The following SPOCK1 variants were observed in gnomAD, a reference collection of about 807,000 sequenced individuals.
SPOCK1 encodes the protein SPARC (osteonectin), cwcv and kazal like domains proteoglycan 1.
In SPOCK1, 23 loss-of-function variants were observed where a neutral mutation model predicts 55.3. The ratio of observed to expected loss-of-function variants is 0.42; its 90% CI spans 0.30 to 0.59. The LOEUF (loss-of-function observed/expected upper bound fraction) is 0.59. Ranked by LOEUF, SPOCK1 falls within the 20% of genes least tolerant of loss-of-function variation. SPOCK1 has a pLI of 0.22. For synonymous variants in SPOCK1, 226 were observed against 221.0 expected (o/e 1.02, Z -0.20); for missense variants, 499 against 552.5 (o/e 0.90, Z 0.97).
chr5:137,129,762 C>T (rs1222380096), intron 4 of SPOCK1, among the ~76,000 whole-genome samples: 4 of 152,148 alleles, frequency 2.6e-5, no homozygotes, highest in African/African-American at 9.7e-5. Flanking sequence ...GGGAAAGTCA[C>T]AAATCTTGTT....
intron 2 of SPOCK1, among the ~76,000 whole-genome samples, chr5:137,336,329 C>T (rs1252626556): frequency 6.6e-6 from 1 of 152,208 alleles, no homozygotes; most frequent in Non-Finnish European, 1.5e-5. Context: ...GGTTTGCATT[C>T]CAGAACCCAC....
chr5:137,261,197 G>C (rs1756736448), intron 3 of SPOCK1, among the ~76,000 whole-genome samples: 2 of 152,138 alleles, frequency 1.3e-5, no homozygotes, highest in South Asian at 4.1e-4. Context: ...ACATTATGAA[G>C]AAAGCTATGG....
intron 2 of SPOCK1, among the ~76,000 whole-genome samples, chr5:137,325,630 G>A (rs1044060975): frequency 1.5e-4 from 23 of 152,198 alleles, no homozygotes; most frequent in Non-Finnish European, 4.4e-5. Flanking sequence ...ACTGCTCTCA[G>A]TGCTGGGTAC....
intron 3 of SPOCK1, among the ~76,000 whole-genome samples, chr5:137,266,012 T>C (rs1247616178): frequency 2.0e-5 from 3 of 152,178 alleles, no homozygotes; most frequent in Non-Finnish European, 4.4e-5. Flanking sequence ...TCAAAGCCTA[T>C]GATAAATGTA....
At chr5:137,449,886 C>CAAAAAAA (rs562723108) in intron 2 of SPOCK1, among the ~76,000 whole-genome samples, 1 of 52,906 alleles carries the variant, frequency 1.9e-5, no homozygotes, top group Non-Finnish European at 3.2e-5. Flanking sequence ...GATGCTGTCT[C>CAAAAAAA]AAAAAAAAAA....
At chr5:137,285,126 C>A (rs1400254036) in intron 2 of SPOCK1, among the ~76,000 whole-genome samples, 1 of 152,180 alleles carries the variant, frequency 6.6e-6, no homozygotes, top group Non-Finnish European at 1.5e-5. Context: ...AACAGCCAAG[C>A]GGGTTGCTCG....
rs181920061 is a variant in SPOCK1 at position 136,978,576 on chromosome 5, G to T, written c.*78C>A. On this transcript the variant is annotated 3_prime_UTR_variant, in exon 11 of 11. Transcript: ENST00000394945. ...AATGGAGAAGAGACCTTGGTGCCTT[G>T]GAGTCTTAGATACAAATGCAGGAAT... 6.8e-7 allele frequency: 1 copy of T among 1,475,330 alleles called. No individual in the cohort carries two copies. The highest frequency in any genetic ancestry group is 9.1e-7 in the Non-Finnish European group (1 of 1,094,112). 91.4% of individuals were successfully genotyped at this position (1,475,330 alleles called of 1,614,324 possible).
intron 4 of SPOCK1, among the ~76,000 whole-genome samples, chr5:137,113,354 G>A (rs739927): frequency 0.27 from 40,341 of 152,026 alleles, 5,600 homozygotes; most frequent in Non-Finnish European, 0.32. Flanking sequence ...CAAGCAAACC[G>A]CTTGGAGCGA....
chr5:137,203,597 A>T (rs532068313), intron 3 of SPOCK1, among the ~76,000 whole-genome samples: 15 of 152,262 alleles, frequency 9.9e-5, no homozygotes, highest in Admixed American at 1.3e-4. Context: ...TGACATTACC[A>T]TGTTTACCTG....
rs554813987 is a variant in SPOCK1 at position 137,321,735 on chromosome 5, AG to A, written c.187-54681del. Among the ~76,000 whole-genome samples, 17 of 152,210 alleles carry A rather than the reference AG, an allele frequency of 1.1e-4. 1 individual carries two copies. In the South Asian group the frequency reaches 3.5e-3, roughly 32 times the overall value. On this transcript the variant is annotated intron_variant, in intron 2 of 10. Coordinates refer to ENST00000394945, the MANE Select transcript of SPOCK1 (RefSeq NM_004598.4). ...CTAAAAAAATACAACAAAATTAGCC[AG>A]GCATGGTAGCAGGTGACTGTAATCC... is the stretch of plus-strand genomic sequence containing the variant.
chr5:137,476,796 G>A (rs1009926338), intron 2 of SPOCK1, among the ~76,000 whole-genome samples: 14 of 152,246 alleles, frequency 9.2e-5, no homozygotes, highest in Non-Finnish European at 1.3e-4. Flanking sequence ...ATGGAGGCAG[G>A]TGTCTGTAAT....
At chr5:136,984,687 A>G (rs1750804678) in intron 9 of SPOCK1, among the ~76,000 whole-genome samples, 1 of 152,248 alleles carries the variant, frequency 6.6e-6, no homozygotes. Flanking sequence ...AGGCTTAAGC[A>G]CATACATGTC....
chr5:137,182,584 G>A (rs764966385), intron 3 of SPOCK1, among the ~76,000 whole-genome samples: 14 of 152,216 alleles, frequency 9.2e-5, no homozygotes, highest in Admixed American at 2.0e-4. Context: ...ACTGGATTTC[G>A]GAGCCCTTGT....
intron 2 of SPOCK1, among the ~76,000 whole-genome samples, chr5:137,380,106 T>C (rs1751431283): frequency 6.6e-6 from 1 of 152,176 alleles, no homozygotes; most frequent in African/African-American, 2.4e-5. Flanking sequence ...GACAGCTTGG[T>C]GGAGCAAATG....
intron 3 of SPOCK1, among the ~76,000 whole-genome samples, chr5:137,144,030 AC>A (rs1754147345): frequency 6.6e-6 from 1 of 152,170 alleles, no homozygotes; most frequent in African/African-American, 2.4e-5. Flanking sequence ...AATGAGACTT[AC>A]TGGGTAAAAG....
intron 3 of SPOCK1, among the ~76,000 whole-genome samples, chr5:137,158,235 C>G (rs1310287431): frequency 6.6e-6 from 1 of 152,114 alleles, no homozygotes; most frequent in African/African-American, 2.4e-5. Context: ...AGGAGGAGCC[C>G]CAGGGCAGAG....
chr5:137,350,069 T>C (rs1246250758), intron 2 of SPOCK1, among the ~76,000 whole-genome samples: 2 of 152,044 alleles, frequency 1.3e-5, no homozygotes, highest in Non-Finnish European at 2.9e-5. Flanking sequence ...CCAAGAGATA[T>C]AGAGCTAAGA....
At chr5:137,300,386 T>A (rs1757566190) in intron 2 of SPOCK1, among the ~76,000 whole-genome samples, 3 of 152,210 alleles carry the variant, frequency 2.0e-5, no homozygotes, top group South Asian at 2.1e-4. Flanking sequence ...AATTGTCTAA[T>A]AACCATGACC....
intron 2 of SPOCK1, among the ~76,000 whole-genome samples, chr5:137,424,154 A>G (rs771479155): frequency 6.6e-6 from 1 of 152,140 alleles, no homozygotes; most frequent in Non-Finnish European, 1.5e-5. Flanking sequence ...CCAAGGCAGG[A>G]GGATTGCTTT....
Sources: gnomAD v4.1 joint callset for allele counts (sites outside exome capture counted in the v4.1 genomes callset) on GRCh38, gnomAD v4.1.1 for gene constraint, MANE v1.5 for transcripts, NCBI Gene and HGNC (gene_info 2026-07-23, HGNC 2026-07-21) for gene names.